Variants in EPC1 observed in about 807,000 individuals in gnomAD.
EPC1 encodes enhancer of polycomb homolog 1.
In EPC1, 12 loss-of-function variants were observed where a neutral mutation model predicts 98.4. The ratio of observed to expected loss-of-function variants is 0.12; its 90% CI spans 0.08 to 0.20. EPC1 has a LOEUF of 0.20. Among genes scored for constraint, EPC1 ranks in the 10% least tolerant of loss-of-function variants. EPC1 has a pLI of 1.00. For missense variants in EPC1, 729 were observed against 990.5 expected (o/e 0.74, Z 3.54); for synonymous variants, 357 against 363.9 (o/e 0.98, Z 0.21).
chr10:32,323,141 A>G (rs1837035568), intron 1 of EPC1, among the ~76,000 whole-genome samples: 1 of 152,146 alleles, frequency 6.6e-6, no homozygotes, highest in African/African-American at 2.4e-5. Context: ...ATTTTTTTAA[A>G]AAGAGAAGTA....
At chr10:32,325,917 T>A (rs1837247201) in intron 1 of EPC1, among the ~76,000 whole-genome samples, 1 of 152,188 alleles carries the variant, frequency 6.6e-6, no homozygotes, top group South Asian at 2.1e-4. Context: ...CAGTATGCCT[T>A]CCAGTAAGTA....
intron 1 of EPC1, among the ~76,000 whole-genome samples, chr10:32,354,376 C>T (rs1012318297): frequency 2.6e-5 from 4 of 152,032 alleles, no homozygotes; most frequent in Non-Finnish European, 5.9e-5. Flanking sequence ...ATGGTGTGGA[C>T]CCGGGAGGCG....
At chr10:32,305,745 A>G (rs764782477) in intron 2 of EPC1, 27 bp downstream of exon 2, 4 of 1,532,812 alleles carry the variant, frequency 2.6e-6, no homozygotes, top group Non-Finnish European at 3.5e-6. Context: ...TATAGAAAAT[A>G]CAATCATTAA....
chr10:32,290,940 A>G (rs777309988), intron 6 of EPC1, among the ~76,000 whole-genome samples: 2 of 151,758 alleles, frequency 1.3e-5, no homozygotes, highest in Non-Finnish European at 2.9e-5. Flanking sequence ...ATACCTGGCT[A>G]ATTTTTTTGT....
chr10:32,376,850 T>C (rs1348652515), intron 1 of EPC1, among the ~76,000 whole-genome samples: 1 of 152,194 alleles, frequency 6.6e-6, no homozygotes, highest in African/African-American at 2.4e-5. Context: ...ATTTCAGTTG[T>C]TTTTATTTTA....
At chr10:32,353,345 G>A (rs908605268) in intron 1 of EPC1, among the ~76,000 whole-genome samples, 7 of 152,044 alleles carry the variant, frequency 4.6e-5, no homozygotes, top group African/African-American at 1.7e-4. Context: ...GAAAGTAGGA[G>A]AGATGTGGGC....
At chr10:32,376,534 A>C (rs906303018) in intron 1 of EPC1, among the ~76,000 whole-genome samples, 6 of 152,106 alleles carry the variant, frequency 3.9e-5, no homozygotes, top group African/African-American at 1.4e-4. Flanking sequence ...ATGAATAGCT[A>C]AAATGTTACA....
At chr10:32,295,214 C>T (rs1253123715) in intron 2 of EPC1, among the ~76,000 whole-genome samples, 1 of 152,044 alleles carries the variant, frequency 6.6e-6, no homozygotes. Flanking sequence ...ACAGGTTTCA[C>T]CTTGTATGCC....
intron 1 of EPC1, among the ~76,000 whole-genome samples, chr10:32,365,038 G>T (rs1839559620): frequency 6.6e-6 from 1 of 151,890 alleles, no homozygotes; most frequent in Non-Finnish European, 1.5e-5. Context: ...AGTAAAGAAA[G>T]CACTAAGAGA....
upstream of EPC1, among the ~76,000 whole-genome samples, chr10:32,347,700 A>G (rs1448401372): frequency 2.0e-5 from 3 of 152,182 alleles, no homozygotes; most frequent in Non-Finnish European, 2.9e-5. Flanking sequence ...CGCACAGCCT[A>G]GTTCCCGCGG....
intron 1 of EPC1, among the ~76,000 whole-genome samples, chr10:32,364,108 G>A (rs529691872): frequency 4.9e-5 from 7 of 142,738 alleles, no homozygotes; most frequent in South Asian, 2.3e-4. Flanking sequence ...TCTGTGTCCC[G>A]GGTTCAAGTG....
intron 1 of EPC1, among the ~76,000 whole-genome samples, chr10:32,314,079 T>A (rs1836413502): frequency 6.6e-6 from 1 of 152,154 alleles, no homozygotes; most frequent in Admixed American, 6.6e-5. Context: ...CAATTTTTCA[T>A]TGTACAGAGG....
At chr10:32,342,446 AAAC>A (rs1281602149) in intron 1 of EPC1, among the ~76,000 whole-genome samples, 2 of 152,244 alleles carry the variant, frequency 1.3e-5, no homozygotes, top group Admixed American at 1.3e-4. Flanking sequence ...AATTAAAAAC[AAAC>A]AACTCCCATC....
At chr10:32,343,880 G>C (rs1838557953) in intron 1 of EPC1, among the ~76,000 whole-genome samples, 2 of 152,112 alleles carry the variant, frequency 1.3e-5, no homozygotes, top group African/African-American at 4.8e-5. Flanking sequence ...ACAATTACTA[G>C]GTGTATTTCA....
chr10:32,270,182 T>C (rs1300174042), intron 13 of EPC1, among the ~76,000 whole-genome samples: 2 of 152,198 alleles, frequency 1.3e-5, no homozygotes, highest in African/African-American at 4.8e-5. Context: ...AGTCCCAGAA[T>C]TCCCTGTGCA....
intron 1 of EPC1, among the ~76,000 whole-genome samples, chr10:32,338,951 AAAT>A (rs1269030708): frequency 7.0e-6 from 1 of 142,146 alleles, no homozygotes; most frequent in African/African-American, 2.5e-5. Context: ...AAAAATAAAT[AAAT>A]AAATAAATAA....
At position 32,364,007 on chromosome 10, in the gene EPC1, T is replaced by C. The variant is rs1409252101; in HGVS notation, c.3+14484A>G. Among the ~76,000 whole-genome samples the C allele has an allele frequency of 6.0e-4, 75 of 124,080 alleles. 5 individuals are homozygous for C. Among genetic ancestry groups the C allele is most frequent in the South Asian group, 1.2e-3 (4 of 3,418 alleles). The allele number at this position is 124,080 out of a possible 152,430, so 81.4% of individuals were successfully genotyped here. ...ATCGTGTCCATCATGTTGGCATTTT[T>C]TTTTTTTTTTTTTTTTTTTTTTTTT... On this transcript the variant is annotated intron_variant, in intron 1 of 13. Transcript: ENST00000375110.
intron 1 of EPC1, among the ~76,000 whole-genome samples, chr10:32,353,111 C>T (rs908636502): frequency 7.3e-5 from 11 of 149,856 alleles, no homozygotes; most frequent in Non-Finnish European, 8.9e-5. Context: ...GCCAAGATCG[C>T]GCCATTGCAC....
At chr10:32,355,187 C>T (rs1592634230) in intron 1 of EPC1, among the ~76,000 whole-genome samples, 1 of 152,160 alleles carries the variant, frequency 6.6e-6, no homozygotes, top group African/African-American at 2.4e-5. Context: ...TGATCTTTTC[C>T]TCACTGTGCT....
Sources: allele counts gnomAD v4.1 joint callset (sites outside exome capture counted in the v4.1 genomes callset), GRCh38; gene constraint gnomAD v4.1.1; transcripts MANE v1.5; gene names NCBI Gene and HGNC (gene_info 2026-07-23, HGNC 2026-07-21).